ELMO3: variants seen among roughly 807,000 people sequenced by gnomAD.
ELMO3 encodes engulfment and cell motility protein 3.
Under a neutral mutation model 89.0 loss-of-function variants are expected in ELMO3, and 81 were observed. The ratio of observed to expected loss-of-function variants is 0.91; its 90% CI spans 0.76 to 1.09. The LOEUF is 1.09. Ranked by LOEUF, ELMO3 falls within the 50% of genes least tolerant of loss-of-function variation. The probability of loss-of-function intolerance (pLI) is 0.00; values close to 1 mark genes in which losing one functional copy is unlikely to be tolerated. For synonymous variants in ELMO3, 406 were observed against 400.6 expected, an observed-to-expected ratio of 1.01 and a Z score of -0.16; for missense variants, 959 against 972.8, an observed-to-expected ratio of 0.99 and a Z score of 0.19.
chr16:67,203,993 T>TTC lies in ELMO3; in HGVS notation c.*116_*117insTC. On this transcript the variant is annotated 3_prime_UTR_variant, in exon 20 of 20. Transcript: ENST00000393997. The surrounding 1 kb of genome is among the most constrained non-coding windows in gnomAD (Gnocchi z 4.6). The stretch of plus-strand genomic sequence containing the variant: ...GATTGCTGCAGAAATAAAGTCTGCT[T>TTC]GGCTCTTGGGATATGTTGAGCCAGC... The TTC allele has an allele frequency of 1.0e-6, 1 of 987,440 alleles. No homozygotes were observed. Among genetic ancestry groups the TTC allele is most frequent in the Non-Finnish European group, 1.5e-6 (1 of 688,786 alleles). 61.2% of individuals were successfully genotyped at this position (987,440 alleles called of 1,614,324 possible). A position where few individuals can be genotyped will look rare whatever the true frequency, so the allele number is the denominator to read the frequency against.
At position 67,200,715 on chromosome 16, in the gene ELMO3, G is replaced by C. The variant is rs2142218797; in HGVS notation, c.572G>C (p.Gly191Ala). ...MDASVPPLAL[G>A]LLESVTLSSP... The stretch of plus-strand genomic sequence containing the variant: ...GCCTCCGTGCCTCCCCTGGCCCTTG[G>C]GCTGCTGGAGAGTGTGACCTTGAGC... Residue 191 changes from glycine to alanine, a missense_variant, in exon 7 of 20, where the codon GGG (glycine) becomes GCG (alanine). Physicochemically the swap from Gly to Ala is moderately conservative, Grantham distance 60. Coordinates refer to ENST00000393997, the MANE Select transcript of ELMO3 (RefSeq NM_024712.5). 6.2e-7 allele frequency: 1 copy of C among 1,613,604 alleles called. No homozygotes were observed. The highest frequency in any genetic ancestry group is 1.3e-5 in the African/African-American group (1 of 75,030).
chr16:67,203,376 T>C lies in ELMO3; in HGVS notation c.1830T>C (p.His610=), dbSNP rs2033171659. ...TCCTGACAGGCAAGGACTGCCCCCA[T>C]GTCCGGGAGAAGGGCTCCGGGAAGC... is the stretch of plus-strand genomic sequence containing the variant. The part of the protein sequence containing the change: ...RALLTGKDCP[H]VREKGSGKQN... Residue 610 remains histidine, a synonymous_variant, in exon 18 of 20, where the codon CAT becomes CAC. Coordinates refer to ENST00000393997, the MANE Select transcript of ELMO3 (RefSeq NM_024712.5). This position sits in a 1 kb window ranked among gnomAD's most constrained non-coding sequence, Gnocchi z 4.6. 1.9e-6 allele frequency: 3 copies of C among 1,610,190 alleles called. No individual in the cohort carries two copies. Among genetic ancestry groups the C allele is most frequent in the Admixed American group, 3.4e-5 (2 of 59,688 alleles).
Position 67,203,345 on chromosome 16 carries a change from G to T in ELMO3, c.1799G>T (p.Arg600Met). The T allele has an allele frequency of 6.2e-7, 1 of 1,603,244 alleles. No individual in the cohort carries two copies. ...LPEQLPVADM[R>M]ALLTGKDCPH... ...CCTGCAGTCCCTGTGGCCGACATGAGGGCACTCCTGACAGGCAAGGACTGC... is the reference window on the plus strand; with the variant it reads ...CCTGCAGTCCCTGTGGCCGACATGATGGCACTCCTGACAGGCAAGGACTGC... Residue 600 changes from arginine to methionine, a missense_variant, in exon 18 of 20, where the codon AGG becomes ATG. Transcript: ENST00000393997. The surrounding 1 kb of genome is among the most constrained non-coding windows in gnomAD (Gnocchi z 4.6).
At position 67,199,230 on chromosome 16, in the gene ELMO3, A is replaced by G. The variant is rs1029302317; in HGVS notation, c.-97A>G. ...CACCGAGGTCAGGTCTCGGAAAGGG[A>G]GGACCTCCTCGTCCCCAGGGGCCCC... On this transcript the variant is annotated 5_prime_UTR_variant, in exon 1 of 20. Coordinates refer to ENST00000393997, the MANE Select transcript of ELMO3 (RefSeq NM_024712.5). 24 of 1,611,416 alleles carry G rather than the reference A, an allele frequency of 1.5e-5. No homozygotes were observed. The highest frequency in any genetic ancestry group is 2.0e-5 in the Non-Finnish European group (23 of 1,179,460).
chr16:67,200,060 CCCCCCGCCCCGGAGG>C, intron 4 of ELMO3, 59 bp downstream of exon 4: 2 of 1,585,406 alleles, frequency 1.3e-6, no homozygotes, highest in Non-Finnish European at 1.7e-6. Context: ...GGTCCAGAGG[CCCCCCGCCCCGGAGG>C]CCCCCGCCCC....
In ELMO3 at chr16:67,200,529, G is replaced by C. The variant is rs181679927; in HGVS notation, c.492G>C (p.Leu164=). ...MEHGVVSWET[L]SIPFVRKVVC... is the part of the protein sequence containing the mutation. Reference sequence around the variant, plus strand: ...ACGGCGTGGTGTCCTGGGAGACTCTGAGCATCCCCTTTGTGAGGAAGGTGG... The same window carrying C: ...ACGGCGTGGTGTCCTGGGAGACTCTCAGCATCCCCTTTGTGAGGAAGGTGG... Residue 164 remains leucine (L), a synonymous_variant, in exon 6 of 20, where the codon CTG becomes CTC. Transcript: ENST00000393997. The C allele has an allele frequency of 2.2e-5, 35 of 1,613,796 alleles. No individual in the cohort carries two copies. The Admixed American group carries it at 4.3e-4, about 20-fold the overall frequency.
In ELMO3 at chr16:67,201,995, G is replaced by C; in HGVS notation, c.1069G>C (p.Asp357His). 1 of 1,613,206 alleles carries C rather than the reference G, an allele frequency of 6.2e-7. No individual in the cohort carries two copies. Among genetic ancestry groups the C allele is most frequent in the Non-Finnish European group, 8.5e-7 (1 of 1,179,988 alleles). ...LGFSNSNPAQ[D>H]LERVPPGLLA... The stretch of plus-strand genomic sequence containing the variant: ...CCCCCAGAACAGCAACCCAGCACAG[G>C]ACCTGGAGCGCGTGCCCCCCGGTCT... Residue 357 changes from aspartate to histidine, a missense_variant, in exon 12 of 20, where the codon GAC (aspartate) becomes CAC (histidine). Physicochemically the swap from Asp to His is moderately conservative, Grantham distance 81. Transcript: ENST00000393997.
chr16:67,203,336 C>A lies in ELMO3; in HGVS notation c.1790C>A (p.Ala597Asp). 1.3e-6 allele frequency: 2 copies of A among 1,599,510 alleles called. No individual in the cohort carries two copies. Among genetic ancestry groups the A allele is most frequent in the Non-Finnish European group, 1.7e-6 (2 of 1,175,136 alleles). ...LESLPEQLPV[A>D]DMRALLTGKD... Reference sequence around the variant, plus strand: ...AGCCTTCTTCCTGCAGTCCCTGTGGCCGACATGAGGGCACTCCTGACAGGC... The same window carrying A: ...AGCCTTCTTCCTGCAGTCCCTGTGGACGACATGAGGGCACTCCTGACAGGC... The change falls in exon 18 of 20, where the codon GCC becomes GAC. Residue 597 changes from alanine (A) to aspartate (D), a missense_variant. Transcript: ENST00000393997. This position sits in a 1 kb window ranked among gnomAD's most constrained non-coding sequence, Gnocchi z 4.6.
chr16:67,199,476 G>GGGGCCCCC, intron 1 of ELMO3, 72 bp downstream of exon 1: 1 of 1,503,596 alleles, frequency 6.7e-7, no homozygotes, highest in Non-Finnish European at 9.0e-7. Context: ...CCTCGGGGCA[G>GGGGCCCCC]CCCGCCCCAC....
chr16:67,201,602 T>C lies in ELMO3; in HGVS notation c.878T>C (p.Leu293Pro). Reference protein sequence around the residue: ...YVLQALMLGLLEPRMRTPLDP... With the variant: ...YVLQALMLGLPEPRMRTPLDP... The stretch of plus-strand genomic sequence containing the variant: ...CTGCAGGCTCTCATGCTGGGGCTGC[T>C]GGAGCCGCGCATGCGGACGCCCCTG... Residue 293 changes from leucine to proline, a missense_variant, in exon 10 of 20, where the codon CTG (leucine) becomes CCG (proline). Transcript: ENST00000393997. 2 of 1,613,768 alleles carry C rather than the reference T, an allele frequency of 1.2e-6. No homozygotes were observed. The highest frequency in any genetic ancestry group is 1.7e-6 in the Non-Finnish European group (2 of 1,180,034).
At chr16:67,199,902 T>A in intron 3 of ELMO3, 49 bp from the exon 4 acceptor site, 1 of 1,613,520 alleles carries the variant, frequency 6.2e-7, no homozygotes, top group East Asian at 2.2e-5. Context: ...AGTTGATCAG[T>A]CCTCGGAGCC....
At chr16:67,199,489 C>T (rs2033045110) in intron 1 of ELMO3, 64 bp from the exon 2 acceptor site, 17 of 1,554,410 alleles carry the variant, frequency 1.1e-5, no homozygotes, top group East Asian at 2.3e-5. Context: ...CGCCCCACCC[C>T]TCCCCCCAGG....
At position 67,201,725 on chromosome 16, in the gene ELMO3, C is replaced by T. The variant is rs1567692175; in HGVS notation, c.919-17C>T. On this transcript the variant is annotated splice_polypyrimidine_tract_variant and intron_variant, in intron 10 of 19. Coordinates refer to ENST00000393997, the MANE Select transcript of ELMO3 (RefSeq NM_024712.5). ...ATAATCTTGATCCCCTCCCCCGCCA[C>T]CCAACACTGACCCCAGGAGCAGCGG... 6.2e-7 allele frequency: 1 copy of T among 1,608,480 alleles called. No homozygotes were observed.
chr16:67,200,597 G>A (rs1173358793), intron 6 of ELMO3, 47 bp downstream of exon 6: 1 of 1,612,014 alleles, frequency 6.2e-7, no homozygotes, highest in African/African-American at 1.3e-5. Context: ...TGGAGCAGTG[G>A]GGCAGTGGTA....
At position 67,201,834 on chromosome 16, in the gene ELMO3, T is replaced by C; in HGVS notation, c.1011T>C (p.Arg337=). 6.2e-7 allele frequency: 1 copy of C among 1,611,550 alleles called. No individual in the cohort carries two copies. Among genetic ancestry groups the C allele is most frequent in the East Asian group, 2.2e-5 (1 of 44,872 alleles). ...CCGGGCTAAGTGCTGACCGTCGCCG[T>C]TCCCTCTGTGCCCGAGAGTTCCGCA... ...SGAGLSADRR[R]SLCAREFRKL... is the part of the protein sequence containing the mutation. The change falls in exon 11 of 20, where the codon CGT becomes CGC. Residue 337 remains arginine, a synonymous_variant. Coordinates refer to ENST00000393997, the MANE Select transcript of ELMO3 (RefSeq NM_024712.5).
Position 67,203,147 on chromosome 16 carries a change from C to T in ELMO3, c.1704C>T (p.Pro568=), listed in dbSNP as rs2033164596. Residue 568 remains proline, a synonymous_variant, in exon 17 of 20, where the codon CCC becomes CCT. Transcript: ENST00000393997. The surrounding 1 kb of genome is among the most constrained non-coding windows in gnomAD (Gnocchi z 4.6). ...AGCTGTGGTTCTGCTGCCTGTCCCCCAACCACAAGCTGCTGCAGTACGGAG... is the reference window on the plus strand; with the variant it reads ...AGCTGTGGTTCTGCTGCCTGTCCCCTAACCACAAGCTGCTGCAGTACGGAG... The part of the protein sequence containing the change: ...QDKLWFCCLS[P]NHKLLQYGDM... The T allele has an allele frequency of 1.9e-6, 3 of 1,612,086 alleles. No individual in the cohort carries two copies. The highest frequency in any genetic ancestry group is 2.5e-6 in the Non-Finnish European group (3 of 1,179,702).
chr16:67,200,457 A>C lies in ELMO3; in HGVS notation c.420A>C (p.Gly140=), dbSNP rs910632086. Residue 140 remains glycine (G), a synonymous_variant, in exon 6 of 20, where the codon GGA becomes GGC. Transcript: ENST00000393997. ...GTIIEDGDDL[G]EVLALSLRAF... Reference sequence around the variant, plus strand: ...CCAGATGTCCCCCCTCCAGCCTAGGAGAGGTGCTGGCCCTCAGCCTGAGGG... The same window carrying C: ...CCAGATGTCCCCCCTCCAGCCTAGGCGAGGTGCTGGCCCTCAGCCTGAGGG... The C allele has an allele frequency of 3.1e-6, 5 of 1,612,606 alleles. No homozygotes were observed.
chr16:67,199,904 C>T, intron 3 of ELMO3, 47 bp from the exon 4 acceptor site: 2 of 1,613,624 alleles, frequency 1.2e-6, no homozygotes, highest in South Asian at 1.1e-5. Flanking sequence ...TTGATCAGTC[C>T]TCGGAGCCCT....
At chr16:67,202,586 G>A (rs762043485) in intron 14 of ELMO3, 41 bp from the exon 15 acceptor site, 2 of 1,612,778 alleles carry the variant, frequency 1.2e-6, no homozygotes, top group African/African-American at 1.3e-5. Flanking sequence ...GCTGATCTGG[G>A]TACAGAGCTT....
Sources: allele counts gnomAD v4.1 joint callset, GRCh38; gene constraint gnomAD v4.1.1; non-coding constraint Gnocchi (gnomAD v3.1); transcripts MANE v1.5; gene names NCBI Gene and HGNC (gene_info 2026-07-23, HGNC 2026-07-21).